The following CDH23 variants were observed in gnomAD, a reference collection of about 807,000 sequenced individuals.
CDH23 encodes cadherin related 23.
CDH23 carries 189 observed loss-of-function variants against 317.1 expected under a neutral mutation model. The ratio of observed to expected loss-of-function variants is 0.60; its 90% CI spans 0.53 to 0.67. The LOEUF is 0.67. Among genes scored for constraint, CDH23 ranks in the 30% least tolerant of loss-of-function variants. The pLI, the probability that CDH23 is intolerant of heterozygous loss-of-function variation, is 0.00. For missense variants in CDH23, 4,401 were observed against 4,592.4 expected (o/e 0.96, Z 1.20); for synonymous variants, 1,839 against 1,876.8 (o/e 0.98, Z 0.52).
chr10:71,500,487 G>A (rs1340362), intron 3 of CDH23, among the ~76,000 whole-genome samples: 84,518 of 152,030 alleles, frequency 0.56, 24,174 homozygotes, highest in Non-Finnish European at 0.62. Flanking sequence ...GTAGCAATAA[G>A]TAGACTGAGG....
chr10:71,613,446 T>C (rs889517756), intron 9 of CDH23, among the ~76,000 whole-genome samples: 1 of 152,142 alleles, frequency 6.6e-6, no homozygotes, highest in African/African-American at 2.4e-5. Flanking sequence ...TCCGAAGGCA[T>C]AGACTGATAG....
intron 11 of CDH23, among the ~76,000 whole-genome samples, chr10:71,622,456 G>T (rs1048659242): frequency 6.6e-6 from 1 of 152,150 alleles, no homozygotes; most frequent in East Asian, 1.9e-4. Context: ...CCACTTAGGC[G>T]CCAGTGGATT....
At chr10:71,447,691 T>A (rs934917832) in intron 3 of CDH23, among the ~76,000 whole-genome samples, 1 of 152,186 alleles carries the variant, frequency 6.6e-6, no homozygotes, top group African/African-American at 2.4e-5. Flanking sequence ...CTTTTTGGAA[T>A]GCCCTCTCAT....
intron 6 of CDH23, among the ~76,000 whole-genome samples, chr10:71,529,946 C>G (rs902823954): frequency 2.1e-4 from 32 of 151,916 alleles, no homozygotes; most frequent in African/African-American, 7.5e-4. Context: ...CCCACCCCAG[C>G]CTGCAGCTTA....
At chr10:71,734,110 AACAG>A (rs1170863793) in intron 32 of CDH23, 126 bp from the exon 33 acceptor site, 10 of 764,124 alleles carry the variant, frequency 1.3e-5, no homozygotes, top group South Asian at 9.3e-5. Context: ...GAAGGAATTC[AACAG>A]ACAGAGTGTC....
chr10:71,476,577 G>C (rs1206755916), intron 3 of CDH23, among the ~76,000 whole-genome samples: 1 of 152,204 alleles, frequency 6.6e-6, no homozygotes. Context: ...CAAGAGGACA[G>C]AGGATGGGAG....
chr10:71,646,645 C>G lies in CDH23; in HGVS notation c.1449+28C>G, dbSNP rs373495530. ...GAGTCCCCGCTTCACTGCAGGGCCA[C>G]TGAGCTCTCCAGGGCCGACTGTGGT... On this transcript the variant is annotated intron_variant, in intron 14 of 69. Coordinates refer to ENST00000224721, the MANE Select transcript of CDH23 (RefSeq NM_022124.6). The G allele has an allele frequency of 1.5e-5, 25 of 1,613,884 alleles. No homozygotes were observed. In the African/African-American group the frequency reaches 2.8e-4, roughly 18 times the overall value.
chr10:71,532,711 G>GTTTTTTTTTTTTTTTTTTTTT (rs531593760), intron 6 of CDH23, among the ~76,000 whole-genome samples: 3 of 128,098 alleles, frequency 2.3e-5, no homozygotes, highest in African/African-American at 2.9e-5. Context: ...TTTTGTTTTT[G>GTTTTTTTTTTTTTTTTTTTTT]TTTTTTTTTT....
chr10:71,617,880 T>C (rs1184620582), intron 11 of CDH23, among the ~76,000 whole-genome samples: 4 of 151,782 alleles, frequency 2.6e-5, no homozygotes, highest in Non-Finnish European at 5.9e-5. Flanking sequence ...TAATCCCAGC[T>C]ACGTGAGAGG....
At chr10:71,465,367 C>G (rs963145655) in intron 3 of CDH23, among the ~76,000 whole-genome samples, 1 of 152,274 alleles carries the variant, frequency 6.6e-6, no homozygotes, top group African/African-American at 2.4e-5. Context: ...GACCAGTGTT[C>G]TCAATGCCTA....
intron 14 of CDH23, among the ~76,000 whole-genome samples, chr10:71,657,621 C>T (rs1016605301): frequency 2.6e-5 from 4 of 152,194 alleles, no homozygotes; most frequent in Non-Finnish European, 4.4e-5. Context: ...GCAGGGTAGA[C>T]AGCCCTTGCG....
At chr10:71,416,186 G>A (rs201867307) in intron 1 of CDH23, among the ~76,000 whole-genome samples, 6 of 152,138 alleles carry the variant, frequency 3.9e-5, no homozygotes, top group East Asian at 3.9e-4. Flanking sequence ...CACCATGCCC[G>A]GCTAATTTTT....
At chr10:71,723,015 G>T (rs1294879217) in intron 28 of CDH23, among the ~76,000 whole-genome samples, 1 of 152,182 alleles carries the variant, frequency 6.6e-6, no homozygotes, top group Non-Finnish European at 1.5e-5. Context: ...CTTTGATCAG[G>T]CACCCAGTCC....
chr10:71,806,216 A>G lies in CDH23; in HGVS notation c.8113A>G (p.Met2705Val), dbSNP rs747249307. 6.3e-6 allele frequency: 10 copies of G among 1,579,712 alleles called. No homozygotes were observed. The highest frequency in any genetic ancestry group is 3.3e-4 in the Middle Eastern group (2 of 6,042). ...DLGQPVPYET[M>V]QPLQVALEDI... is the part of the protein sequence containing the mutation. ...GGGCCAGCCAGTGCCATACGAGACT[A>G]TGCAGCCGCTGCAGGTGGCCCTGGA... is the stretch of plus-strand genomic sequence containing the variant. Residue 2705 changes from methionine (M) to valine (V), a missense_variant, in exon 57 of 70, where the codon ATG becomes GTG. Met to Val is a conservative substitution (Grantham distance 21). Transcript: ENST00000224721.
rs539275505 is a variant in CDH23, at chr10:71,536,062, C to T, written c.429+24850C>T. Among the ~76,000 whole-genome samples, 128 of 152,352 alleles carry T rather than the reference C, an allele frequency of 8.4e-4. 1 individual carries two copies. The highest frequency in any genetic ancestry group is 1.8e-3 in the Admixed American group (27 of 15,308). ...GGTCAGAAGGCAAGCAGAAGGTGCA[C>T]GCGCCTTGCTGTGGCATGGCCCCTG... On this transcript the variant is annotated intron_variant, in intron 6 of 69. Coordinates refer to ENST00000224721, the MANE Select transcript of CDH23 (RefSeq NM_022124.6).
intron 3 of CDH23, among the ~76,000 whole-genome samples, chr10:71,468,104 C>A (rs1166149303): frequency 6.6e-6 from 1 of 152,222 alleles, no homozygotes; most frequent in Non-Finnish European, 1.5e-5. Context: ...TTGCTGTCCA[C>A]CTGTGACCTG....
chr10:71,799,733 C>T (rs1051427534), intron 52 of CDH23, 104 bp downstream of exon 52: 1 of 1,483,182 alleles, frequency 6.7e-7, no homozygotes, highest in Non-Finnish European at 9.3e-7. Flanking sequence ...GGTCTTGTCG[C>T]CTGGACATCT....
At chr10:71,797,467 C>T (rs1841433542) in intron 49 of CDH23, among the ~76,000 whole-genome samples, 1 of 152,030 alleles carries the variant, frequency 6.6e-6, no homozygotes, top group Non-Finnish European at 1.5e-5. Context: ...GATCTGAACC[C>T]CCAGGCTGAG....
At chr10:71,769,572 A>G (rs77919471) in intron 38 of CDH23, among the ~76,000 whole-genome samples, 75,006 of 151,664 alleles carry the variant, frequency 0.49, 19,408 homozygotes, top group South Asian at 0.68. Flanking sequence ...GGGAAACACC[A>G]TCATGGAATT....
Sources: gnomAD v4.1 joint callset for allele counts (sites outside exome capture counted in the v4.1 genomes callset) on GRCh38, gnomAD v4.1.1 for gene constraint, MANE v1.5 for transcripts, NCBI Gene and HGNC (gene_info 2026-07-23, HGNC 2026-07-21) for gene names.